THRB: variants seen among roughly 807,000 people sequenced by gnomAD.
THRB encodes thyroid hormone receptor beta.
A neutral mutation model predicts 47.8 loss-of-function variants in THRB; 12 were observed. The ratio of observed to expected loss-of-function variants is 0.25; its 90% CI spans 0.16 to 0.41. THRB has a LOEUF of 0.41. Among genes scored for constraint, THRB ranks in the 10% least tolerant of loss-of-function variants. The pLI is 1.00. For missense variants in THRB, 348 were observed against 589.2 expected (o/e 0.59, Z 4.24); for synonymous variants, 218 against 212.2 (o/e 1.03, Z -0.24).
chr3:24,453,224 C>T (rs557218672), intron 1 of THRB, among the ~76,000 whole-genome samples: 1 of 152,328 alleles, frequency 6.6e-6, no homozygotes, highest in East Asian at 1.9e-4. Flanking sequence ...AAAGCATTCA[C>T]TATGTGCCAG....
At chr3:24,174,851 G>A (rs7616636) in intron 5 of THRB, among the ~76,000 whole-genome samples, 40,225 of 152,126 alleles carry the variant, frequency 0.26, 6,004 homozygotes, top group African/African-American at 0.41. Flanking sequence ...TGAGACTCAG[G>A]GAGGTTCCAT....
intron 1 of THRB, among the ~76,000 whole-genome samples, chr3:24,463,903 C>T (rs886230281): frequency 2.0e-5 from 3 of 152,156 alleles, no homozygotes; most frequent in Admixed American, 2.0e-4. Context: ...AAATGCTATC[C>T]CCTTTGTAAG....
At chr3:24,198,046 C>G (rs986949618) in intron 4 of THRB, among the ~76,000 whole-genome samples, 12 of 152,302 alleles carry the variant, frequency 7.9e-5, no homozygotes, top group Admixed American at 3.3e-4. Flanking sequence ...AGGGCAGGCT[C>G]CTGGCTTGTG....
intron 4 of THRB, among the ~76,000 whole-genome samples, chr3:24,206,936 A>G (rs1474865776): frequency 6.6e-6 from 1 of 152,224 alleles, no homozygotes; most frequent in African/African-American, 2.4e-5. Context: ...CACCCTCCCA[A>G]GACTAAACCA....
chr3:24,333,393 C>T (rs2062044206), intron 2 of THRB, among the ~76,000 whole-genome samples: 1 of 152,062 alleles, frequency 6.6e-6, no homozygotes, highest in South Asian at 2.1e-4. Context: ...GATCAGTTGC[C>T]CAAAGTCCCC....
intron 1 of THRB, among the ~76,000 whole-genome samples, chr3:24,440,809 G>A (rs1376935048): frequency 6.6e-6 from 1 of 152,206 alleles, no homozygotes; most frequent in Non-Finnish European, 1.5e-5. Flanking sequence ...GGAAACAGGT[G>A]ATCTGAGATA....
chr3:24,180,870 C>T (rs768741117), intron 5 of THRB, among the ~76,000 whole-genome samples: 2 of 152,180 alleles, frequency 1.3e-5, no homozygotes, highest in Non-Finnish European at 2.9e-5. Context: ...GGCATGAGGT[C>T]GCTGCATCTC....
rs1253002401 is a variant in THRB at position 24,120,124 on chromosome 3, C to T, written c.*2760G>A. ...ACAAATGAGTTTTATGAGATGGAGT[C>T]TTGAGATGCACTAAGTACCTCTGTC... is the stretch of plus-strand genomic sequence containing the variant. On this transcript the variant is annotated 3_prime_UTR_variant, in exon 11 of 11. Transcript: ENST00000646209. 6.6e-6 allele frequency: 1 copy of T among 152,192 alleles called. No homozygotes were observed. Among genetic ancestry groups the T allele is most frequent in the African/African-American group, 2.4e-5 (1 of 41,432 alleles). The allele number at this position is 152,192 out of a possible 1,614,324, so 9.4% of individuals were successfully genotyped here. A position where few individuals can be genotyped will look rare whatever the true frequency, so the allele number is the denominator to read the frequency against.
chr3:24,323,965 C>G (rs1202770927), intron 2 of THRB, among the ~76,000 whole-genome samples: 5 of 152,196 alleles, frequency 3.3e-5, no homozygotes, highest in Non-Finnish European at 5.9e-5. Flanking sequence ...CCATAATGTG[C>G]TACATCTGTT....
intron 4 of THRB, among the ~76,000 whole-genome samples, chr3:24,205,268 C>G (rs1164227075): frequency 6.6e-6 from 1 of 152,110 alleles, no homozygotes; most frequent in South Asian, 2.1e-4. Context: ...GTCAGGTTAC[C>G]CACAAAGGGA....
chr3:24,137,832 G>A (rs1170966678), intron 8 of THRB, among the ~76,000 whole-genome samples: 1 of 152,158 alleles, frequency 6.6e-6, no homozygotes, highest in African/African-American at 2.4e-5. Context: ...GGAAACAGCT[G>A]TGGTTTGGGC....
chr3:24,241,799 G>A (rs1459683135), intron 3 of THRB, among the ~76,000 whole-genome samples: 1 of 152,108 alleles, frequency 6.6e-6, no homozygotes, highest in Non-Finnish European at 1.5e-5. Context: ...CAGATGCACC[G>A]CCTCTATCCC....
intron 5 of THRB, among the ~76,000 whole-genome samples, chr3:24,155,567 T>A (rs1316053560): frequency 1.3e-5 from 2 of 152,198 alleles, no homozygotes; most frequent in African/African-American, 4.8e-5. Flanking sequence ...TTACTGAACA[T>A]GATTGACAAC....
chr3:24,316,445 C>A (rs1361162788), intron 2 of THRB, among the ~76,000 whole-genome samples: 1 of 151,576 alleles, frequency 6.6e-6, no homozygotes, highest in African/African-American at 2.4e-5. Context: ...ATTGTGCTCA[C>A]CCTCTCCCCC....
At chr3:24,283,043 A>T (rs1192465285) in intron 3 of THRB, among the ~76,000 whole-genome samples, 1 of 151,510 alleles carries the variant, frequency 6.6e-6, no homozygotes, top group African/African-American at 2.4e-5. Flanking sequence ...AAACTATTCC[A>T]ATCAATAGAA....
chr3:24,487,706 C>T (rs1389090615), intron 1 of THRB, among the ~76,000 whole-genome samples: 1 of 152,172 alleles, frequency 6.6e-6, no homozygotes, highest in Admixed American at 6.5e-5. Context: ...AAGCCAGAGA[C>T]AAGCAGTGCC....
rs570243776 is a variant in THRB, at chr3:24,249,597, G to A, written c.-42-20596C>T. On this transcript the variant is annotated intron_variant, in intron 3 of 10. Coordinates refer to ENST00000646209, the MANE Select transcript of THRB (RefSeq NM_001354712.2). Reference sequence around the variant, plus strand: ...GCTAGGGCCACAGACTCCCATCTCTGGTATATCTGTTATACCTTCTCAGTT... The same window carrying A: ...GCTAGGGCCACAGACTCCCATCTCTAGTATATCTGTTATACCTTCTCAGTT... Among the ~76,000 whole-genome samples, 19 of 152,058 alleles carry A rather than the reference G, an allele frequency of 1.2e-4. 1 individual carries two copies. Among genetic ancestry groups the A allele is most frequent in the South Asian group, 4.1e-4 (2 of 4,824 alleles).
chr3:24,232,494 CT>C (rs2048355961), intron 3 of THRB, among the ~76,000 whole-genome samples: 1 of 152,088 alleles, frequency 6.6e-6, no homozygotes, highest in African/African-American at 2.4e-5. Flanking sequence ...GACCCCAGAC[CT>C]TTAGGCCCTT....
chr3:24,149,858 G>C (rs778551362), intron 6 of THRB, among the ~76,000 whole-genome samples: 9 of 152,186 alleles, frequency 5.9e-5, no homozygotes, highest in South Asian at 2.1e-4. Flanking sequence ...GCTGACAAAA[G>C]AGATGCCCTG....
Sources: gnomAD v4.1 joint callset for allele counts (sites outside exome capture counted in the v4.1 genomes callset) on GRCh38, gnomAD v4.1.1 for gene constraint, MANE v1.5 for transcripts, NCBI Gene and HGNC (gene_info 2026-07-23, HGNC 2026-07-21) for gene names.